AOAH: variants seen among roughly 807,000 people sequenced by gnomAD.
The protein encoded by AOAH is acyloxyacyl hydrolase (neutrophil).
A neutral mutation model predicts 92.2 loss-of-function variants in AOAH; 64 were observed. The observed-to-expected ratio is 0.69, with a 90% CI of 0.57 to 0.86. The LOEUF (loss-of-function observed/expected upper bound fraction) is 0.86. Among genes scored for constraint, AOAH ranks in the 40% least tolerant of loss-of-function variants. The probability of loss-of-function intolerance (pLI) is 0.00; values close to 1 mark genes in which losing one functional copy is unlikely to be tolerated. For synonymous variants in AOAH, 263 were observed against 254.5 expected, an observed-to-expected ratio of 1.03 and a Z score of -0.32; for missense variants, 656 against 694.6, an observed-to-expected ratio of 0.94 and a Z score of 0.62.
At chr7:36,609,304 C>A (rs952936406) in intron 11 of AOAH, among the ~76,000 whole-genome samples, 1 of 152,184 alleles carries the variant, frequency 6.6e-6, no homozygotes, top group Non-Finnish European at 1.5e-5. Context: ...CCGCTCTCCC[C>A]CTAAACCAAA....
intron 2 of AOAH, among the ~76,000 whole-genome samples, chr7:36,679,912 T>C (rs1026606460): frequency 2.0e-5 from 3 of 152,152 alleles, no homozygotes; most frequent in Admixed American, 2.0e-4. Context: ...CGCCTTGGCC[T>C]CCTAAAAGTG....
At chr7:36,657,736 G>A (rs1794974694) in intron 4 of AOAH, among the ~76,000 whole-genome samples, 1 of 152,194 alleles carries the variant, frequency 6.6e-6, no homozygotes, top group African/African-American at 2.4e-5. Flanking sequence ...GCAGCCAGAG[G>A]CAGTCGAAAT....
At chr7:36,600,591 T>C (rs1396329092) in intron 11 of AOAH, among the ~76,000 whole-genome samples, 2 of 151,304 alleles carry the variant, frequency 1.3e-5, no homozygotes, top group African/African-American at 2.4e-5. Flanking sequence ...ATCTGGTAAA[T>C]AGTAGGGCTG....
At chr7:36,623,088 A>G (rs1792398958) in intron 7 of AOAH, 102 bp downstream of exon 7, 1 of 951,210 alleles carries the variant, frequency 1.1e-6, no homozygotes, top group East Asian at 2.5e-5. Flanking sequence ...TCAAATTAAT[A>G]ATGCATTCAA....
chr7:36,711,233 T>C (rs766223881), intron 1 of AOAH, among the ~76,000 whole-genome samples: 57 of 152,180 alleles, frequency 3.7e-4, no homozygotes, highest in Non-Finnish European at 7.3e-4. Context: ...GCTCTGTCAA[T>C]AGAGAGGTGG....
At chr7:36,659,350 C>G (rs1795067806) in intron 3 of AOAH, 85 bp from the exon 4 acceptor site, 1 of 1,142,500 alleles carries the variant, frequency 8.8e-7, no homozygotes, top group Middle Eastern at 1.9e-4. Flanking sequence ...AGGTAAATCC[C>G]CAGAATGGAT....
At chr7:36,558,406 C>T (rs1019869742) in intron 13 of AOAH, among the ~76,000 whole-genome samples, 4 of 152,304 alleles carry the variant, frequency 2.6e-5, no homozygotes, top group Admixed American at 1.3e-4. Context: ...CTGGGGGGTG[C>T]CTCCCAGTTA....
At chr7:36,593,650 T>A (rs1461408798) in intron 12 of AOAH, among the ~76,000 whole-genome samples, 1 of 152,226 alleles carries the variant, frequency 6.6e-6, no homozygotes, top group African/African-American at 2.4e-5. Context: ...TTAGGAGATG[T>A]TGGGAGAGAA....
At chr7:36,537,095 T>C (rs7781875) in intron 16 of AOAH, among the ~76,000 whole-genome samples, 20,178 of 151,918 alleles carry the variant, frequency 0.13, 1,723 homozygotes, top group African/African-American at 0.24. Context: ...CCAGCCTTTC[T>C]AGGAAAGACC....
intron 12 of AOAH, among the ~76,000 whole-genome samples, chr7:36,587,114 T>C (rs1274300540): frequency 1.3e-5 from 2 of 151,308 alleles, no homozygotes; most frequent in Non-Finnish European, 3.0e-5. Context: ...TCTACTAAAA[T>C]ACAAAAAATT....
intron 2 of AOAH, among the ~76,000 whole-genome samples, chr7:36,685,752 T>C (rs1796961178): frequency 6.6e-6 from 1 of 152,212 alleles, no homozygotes; most frequent in Admixed American, 6.5e-5. Context: ...GATGTAATTA[T>C]GATGTGAATA....
intron 11 of AOAH, among the ~76,000 whole-genome samples, chr7:36,615,440 T>C (rs1791795297): frequency 1.3e-5 from 2 of 152,218 alleles, no homozygotes; most frequent in Non-Finnish European, 2.9e-5. Context: ...CACTGAGCCC[T>C]GCCAAGTATG....
intron 11 of AOAH, among the ~76,000 whole-genome samples, chr7:36,607,959 T>G (rs1484468545): frequency 6.6e-6 from 1 of 152,218 alleles, no homozygotes; most frequent in East Asian, 1.9e-4. Context: ...TTCTCTGCAC[T>G]CCACTAGTCA....
At chr7:36,617,019 T>G (rs1190645153) in intron 10 of AOAH, among the ~76,000 whole-genome samples, 10 of 152,198 alleles carry the variant, frequency 6.6e-5, no homozygotes, top group Non-Finnish European at 1.0e-4. Flanking sequence ...CACAATCACT[T>G]CATCTGACTC....
chr7:36,683,984 ACT>A (rs373540819), intron 2 of AOAH, among the ~76,000 whole-genome samples: 1 of 151,482 alleles, frequency 6.6e-6, no homozygotes, highest in Non-Finnish European at 1.5e-5. Flanking sequence ...ACAGAGCAAG[ACT>A]CTGTCTCAAA....
chr7:36,643,582 A>AT (rs1326285195), intron 4 of AOAH, among the ~76,000 whole-genome samples: 3 of 152,106 alleles, frequency 2.0e-5, no homozygotes, highest in Non-Finnish European at 1.5e-5. Context: ...CCATTCAATC[A>AT]TTTTTTTGTG....
At chr7:36,694,344 A>G (rs1797580661) in intron 1 of AOAH, among the ~76,000 whole-genome samples, 1 of 151,898 alleles carries the variant, frequency 6.6e-6, no homozygotes, top group Non-Finnish European at 1.5e-5. Flanking sequence ...TAAAAATACA[A>G]AAAATTAGCC....
At chr7:36,515,021 C>T (rs1583698516) in intron 20 of AOAH, among the ~76,000 whole-genome samples, 1 of 151,916 alleles carries the variant, frequency 6.6e-6, no homozygotes, top group Non-Finnish European at 1.5e-5. Context: ...TGCGTAATCT[C>T]GGTCATGTCC....
chr7:36,699,017 A>T (rs1584143442), intron 1 of AOAH, among the ~76,000 whole-genome samples: 1 of 150,520 alleles, frequency 6.6e-6, no homozygotes. Context: ...TATGAGATCC[A>T]TTTTTTTTTA....
Sources: gnomAD v4.1 joint callset for allele counts (sites outside exome capture counted in the v4.1 genomes callset) on GRCh38, gnomAD v4.1.1 for gene constraint, MANE v1.5 for transcripts, NCBI Gene and HGNC (gene_info 2026-07-23, HGNC 2026-07-21) for gene names.